Variants in MYO3B observed in about 807,000 individuals in gnomAD.
MYO3B encodes myosin IIIB, also known as myosin-IIIb.
MYO3B carries 156 observed loss-of-function variants against 174.6 expected under a neutral mutation model. The ratio of observed to expected loss-of-function variants is 0.89; its 90% CI spans 0.78 to 1.02. MYO3B has a LOEUF of 1.02. Ranked by LOEUF, MYO3B falls within the 50% of genes least tolerant of loss-of-function variation. MYO3B has a pLI of 0.00. For synonymous variants in MYO3B, 563 were observed against 569.1 expected (o/e 0.99, Z 0.15); for missense variants, 1,632 against 1,639.4 (o/e 1.00, Z 0.08).
intron 7 of MYO3B, among the ~76,000 whole-genome samples, chr2:170,279,836 T>G (rs1049877375): frequency 6.6e-6 from 1 of 152,196 alleles, no homozygotes; most frequent in African/African-American, 2.4e-5. Flanking sequence ...GTGGTGTATA[T>G]ATACCATGTT....
chr2:170,387,029 G>A (rs2094380899), intron 13 of MYO3B, 77 bp from the exon 14 acceptor site: 2 of 1,432,050 alleles, frequency 1.4e-6, no homozygotes, highest in Non-Finnish European at 1.9e-6. Context: ...ATTTTGGTGG[G>A]CAAGGGATGG....
intron 9 of MYO3B, among the ~76,000 whole-genome samples, chr2:170,371,182 CA>C (rs1288300765): frequency 7.1e-6 from 1 of 140,790 alleles, no homozygotes; most frequent in African/African-American, 2.7e-5. Flanking sequence ...CGCGCCACTG[CA>C]CTCCAGCCTG....
chr2:170,426,062 T>C (rs891893625), intron 22 of MYO3B, among the ~76,000 whole-genome samples: 1 of 132,424 alleles, frequency 7.6e-6, no homozygotes, highest in African/African-American at 2.8e-5. Context: ...TTTCCACATT[T>C]ATTTTCTTAA....
At chr2:170,550,247 A>G (rs1341721982) in intron 32 of MYO3B, among the ~76,000 whole-genome samples, 1 of 152,162 alleles carries the variant, frequency 6.6e-6, no homozygotes, top group East Asian at 1.9e-4. Flanking sequence ...TAAAATGACA[A>G]AGGAATTACA....
In MYO3B at chr2:170,501,832, A is replaced by C; in HGVS notation, c.3337A>C (p.Arg1113=). The stretch of plus-strand genomic sequence containing the variant: ...GAGGAAATTTAAGAAAATAAGCAAC[A>C]GAAGGAATGAGTCTGCTGCTCATAA... ...ARRKFKKISN[R]RNESAAHNQA... Residue 1113 remains arginine (R), a synonymous_variant, in exon 28 of 35, where the codon AGA becomes CGA. Transcript: ENST00000408978. 1 of 1,612,976 alleles carries C rather than the reference A, an allele frequency of 6.2e-7. No homozygotes were observed. Among genetic ancestry groups the C allele is most frequent in the South Asian group, 1.1e-5 (1 of 91,030 alleles).
At chr2:170,517,268 G>A (rs1290669523) in intron 29 of MYO3B, among the ~76,000 whole-genome samples, 1 of 152,186 alleles carries the variant, frequency 6.6e-6, no homozygotes, top group African/African-American at 2.4e-5. Context: ...TGACTGAAGT[G>A]TAAATTAATA....
intron 3 of MYO3B, among the ~76,000 whole-genome samples, chr2:170,211,545 TA>T (rs1480115423): frequency 1.3e-5 from 2 of 152,178 alleles, no homozygotes; most frequent in Admixed American, 6.5e-5. Context: ...AAGCAATTCT[TA>T]CAAAATTTAG....
chr2:170,363,339 G>A (rs1287970926), intron 8 of MYO3B, among the ~76,000 whole-genome samples: 2 of 152,044 alleles, frequency 1.3e-5, no homozygotes, highest in African/African-American at 4.8e-5. Flanking sequence ...CTTTTCAGCT[G>A]CTCTATATCA....
Position 170,310,262 on chromosome 2 carries a change from G to A in MYO3B, c.750-25123G>A, listed in dbSNP as rs145790617. ...AGCCAAACATGAGTGATGATTGCCC[G>A]TGACAGTGCCCTCAGGAAGTCCTGA... On this transcript the variant is annotated intron_variant, in intron 7 of 34. Transcript: ENST00000408978. 1.0e-3 allele frequency among the ~76,000 whole-genome samples: 154 copies of A among 152,286 alleles called. 1 individual carries two copies. Among genetic ancestry groups the A allele is most frequent in the African/African-American group, 2.8e-3 (117 of 41,560 alleles).
rs77779241 is a variant in MYO3B at position 170,391,071 on chromosome 2, A to G, written c.1578-449A>G. On this transcript the variant is annotated intron_variant, in intron 14 of 34. Transcript: ENST00000408978. The stretch of plus-strand genomic sequence containing the variant: ...TAAGAATACCAGCTTGGGAGAGTGA[A>G]AAACCTCAGTTCTGGACCAATTCTG... Among the ~76,000 whole-genome samples, 1,318 of 152,194 alleles carry G rather than the reference A, an allele frequency of 8.7e-3. 22 individuals are homozygous for G. The highest frequency in any genetic ancestry group is 0.029 in the African/African-American group (1,209 of 41,526).
intron 32 of MYO3B, among the ~76,000 whole-genome samples, chr2:170,649,382 AT>A (rs1698816270): frequency 1.1e-5 from 1 of 94,096 alleles, no homozygotes; most frequent in African/African-American, 4.5e-5. Context: ...ATATAAATAT[AT>A]TATATAAAAA....
chr2:170,355,279 G>A (rs1261473907), intron 8 of MYO3B, among the ~76,000 whole-genome samples: 1 of 152,172 alleles, frequency 6.6e-6, no homozygotes, highest in African/African-American at 2.4e-5. Flanking sequence ...AGACTTTTTA[G>A]TGTGGTTAAG....
At chr2:170,182,470 A>G (rs539167965) in intron 1 of MYO3B, among the ~76,000 whole-genome samples, 8 of 152,242 alleles carry the variant, frequency 5.3e-5, no homozygotes, top group Non-Finnish European at 1.0e-4. Context: ...TTCTAGTCTA[A>G]CGATCTGACT....
intron 32 of MYO3B, among the ~76,000 whole-genome samples, chr2:170,546,485 T>C (rs2106212673): frequency 6.6e-6 from 1 of 152,352 alleles, no homozygotes; most frequent in South Asian, 2.1e-4. Context: ...TCCAAATAGA[T>C]ATAGTGTACT....
intron 23 of MYO3B, among the ~76,000 whole-genome samples, chr2:170,447,098 C>T (rs1683258649): frequency 6.6e-6 from 1 of 152,058 alleles, no homozygotes; most frequent in Non-Finnish European, 1.5e-5. Context: ...CAGAGAGTGA[C>T]CTTCCTAGGT....
chr2:170,405,709 C>T, intron 21 of MYO3B, 76 bp downstream of exon 21: 1 of 1,119,592 alleles, frequency 8.9e-7, no homozygotes, highest in South Asian at 1.5e-5. Context: ...CTGTGCTGCT[C>T]ATGAAATTGC....
chr2:170,557,142 A>AT (rs369628260), intron 32 of MYO3B, among the ~76,000 whole-genome samples: 80,746 of 137,120 alleles, frequency 0.59, 23,936 homozygotes, highest in Non-Finnish European at 0.69. Context: ...TTTTATTTTT[A>AT]TTTTTATTTT....
At chr2:170,339,514 G>A (rs955828975) in intron 8 of MYO3B, among the ~76,000 whole-genome samples, 38 of 152,148 alleles carry the variant, frequency 2.5e-4, no homozygotes, top group Admixed American at 1.9e-3. Context: ...ATGTAGACAG[G>A]GCACAGTGGG....
chr2:170,393,711 G>A (rs1448947462), intron 16 of MYO3B, among the ~76,000 whole-genome samples: 1 of 152,096 alleles, frequency 6.6e-6, no homozygotes, highest in East Asian at 1.9e-4. Context: ...TCCCTCCCCT[G>A]CATGGTTGAT....
Sources: allele counts gnomAD v4.1 joint callset (sites outside exome capture counted in the v4.1 genomes callset), GRCh38; gene constraint gnomAD v4.1.1; transcripts MANE v1.5; gene names NCBI Gene and HGNC (gene_info 2026-07-23, HGNC 2026-07-21).